NMBR: variants seen among roughly 807,000 people sequenced by gnomAD.
The protein encoded by NMBR is neuromedin-B receptor.
A neutral mutation model predicts 20.5 loss-of-function variants in NMBR; 16 were observed. The ratio of observed to expected loss-of-function variants is 0.78; its 90% CI spans 0.53 to 1.19. NMBR has a LOEUF of 1.19. Among genes scored for constraint, NMBR ranks in the 50% most tolerant of loss-of-function variants. NMBR has a pLI of 0.00. For missense variants in NMBR, 582 were observed against 499.1 expected (o/e 1.17, Z -1.58); for synonymous variants, 212 against 196.6 (o/e 1.08, Z -0.65).
At chr6:142,122,144 A>G (rs1777954373) in intron 1 of NMBR, among the ~76,000 whole-genome samples, 1 of 151,888 alleles carries the variant, frequency 6.6e-6, no homozygotes, top group Non-Finnish European at 1.5e-5. Context: ...CTTTCCTTTC[A>G]CCGCATTTTG....
chr6:142,116,580 C>T (rs995751433), intron 1 of NMBR, among the ~76,000 whole-genome samples: 3 of 152,008 alleles, frequency 2.0e-5, no homozygotes, highest in African/African-American at 4.8e-5. Context: ...TCTGTGATAT[C>T]ATTTGATTCC....
chr6:142,139,393 T>C (rs1401112542), intron 1 of NMBR, among the ~76,000 whole-genome samples: 1 of 152,226 alleles, frequency 6.6e-6, no homozygotes, highest in African/African-American at 2.4e-5. Flanking sequence ...TGTGTGAATC[T>C]TGAGTATTGT....
intron 1 of NMBR, among the ~76,000 whole-genome samples, chr6:142,106,712 G>T (rs1283903866): frequency 6.6e-6 from 1 of 152,140 alleles, no homozygotes; most frequent in Non-Finnish European, 1.5e-5. Flanking sequence ...ACTCTTAGGT[G>T]AAACAAAAAG....
chr6:142,088,975 G>T lies in NMBR; in HGVS notation c.-317C>A, dbSNP rs3811088. On this transcript the variant is annotated 5_prime_UTR_variant, in exon 2 of 4. Coordinates refer to ENST00000258042, the MANE Select transcript of NMBR (RefSeq NM_002511.4). ...TGGTTTGTTCTCGCGGTTATCTAGC[G>T]GAAAACAGCCTTTCAGGAACAAGGA... Among the ~76,000 whole-genome samples the T allele has an allele frequency of 6.6e-5, 10 of 151,518 alleles. No homozygotes were observed. The highest frequency in any genetic ancestry group is 1.3e-4 in the Non-Finnish European group (9 of 67,876).
chr6:142,087,715 G>C (rs896480021), intron 2 of NMBR, among the ~76,000 whole-genome samples: 6 of 152,086 alleles, frequency 3.9e-5, no homozygotes, highest in Admixed American at 3.3e-4. Flanking sequence ...AATCTAATTG[G>C]TTTTACTTCT....
intron 1 of NMBR, among the ~76,000 whole-genome samples, chr6:142,090,361 G>C (rs1389557158): frequency 6.6e-6 from 1 of 151,862 alleles, no homozygotes; most frequent in Admixed American, 6.6e-5. Context: ...TATAAATTAA[G>C]CAACTTTTCC....
At chr6:142,113,090 C>A (rs1368058978) in intron 1 of NMBR, among the ~76,000 whole-genome samples, 1 of 151,750 alleles carries the variant, frequency 6.6e-6, no homozygotes, top group Admixed American at 6.6e-5. Context: ...AATGCTACAA[C>A]TAAATTTATG....
chr6:142,099,610 A>G (rs1297087869), intron 1 of NMBR, among the ~76,000 whole-genome samples: 1 of 152,186 alleles, frequency 6.6e-6, no homozygotes, highest in East Asian at 1.9e-4. Context: ...TGCTGGGGAC[A>G]CAGAGACAAA....
At chr6:142,110,694 G>A (rs554821756) in intron 1 of NMBR, among the ~76,000 whole-genome samples, 16 of 152,164 alleles carry the variant, frequency 1.1e-4, no homozygotes, top group Admixed American at 9.2e-4. Flanking sequence ...CTATTTAATT[G>A]TACACTTTAA....
chr6:142,085,028 T>C, intron 2 of NMBR, among the ~76,000 whole-genome samples: 1 of 152,150 alleles, frequency 6.6e-6, no homozygotes, highest in South Asian at 2.1e-4. Context: ...AACAAAACTG[T>C]CTATCAAGAT....
intron 1 of NMBR, among the ~76,000 whole-genome samples, chr6:142,112,607 T>C (rs919190471): frequency 6.6e-6 from 1 of 152,142 alleles, no homozygotes; most frequent in South Asian, 2.1e-4. Flanking sequence ...TCTGTGGCAA[T>C]AGGATTTGAC....
At chr6:142,145,599 G>T (rs137981488) in intron 1 of NMBR, among the ~76,000 whole-genome samples, 7 of 151,714 alleles carry the variant, frequency 4.6e-5, no homozygotes, top group Non-Finnish European at 1.0e-4. Context: ...AATGCTGCTA[G>T]CTAGTTATTA....
chr6:142,141,255 A>C (rs1478472555), intron 1 of NMBR, among the ~76,000 whole-genome samples: 2 of 152,156 alleles, frequency 1.3e-5, no homozygotes, highest in Admixed American at 1.3e-4. Context: ...GAAATTAATA[A>C]AATTAAGATA....
rs1232351507 is a variant in NMBR at position 142,074,979 on chromosome 6, C to A, written c.*669G>T. ...TTAGAATTACAGATATGAATTATTT[C>A]TATAAATTATGATTAATCACAGAAT... is the stretch of plus-strand genomic sequence containing the variant. On this transcript the variant is annotated 3_prime_UTR_variant, in exon 4 of 4. Coordinates refer to ENST00000258042, the MANE Select transcript of NMBR (RefSeq NM_002511.4). Among the ~76,000 whole-genome samples the A allele has an allele frequency of 6.6e-6, 1 of 151,792 alleles. No homozygotes were observed. Among genetic ancestry groups the A allele is most frequent in the African/African-American group, 2.4e-5 (1 of 41,312 alleles).
At position 142,075,561 on chromosome 6, in the gene NMBR, A is replaced by T; in HGVS notation, c.*87T>A. 7.8e-7 allele frequency: 1 copy of T among 1,290,034 alleles called. No individual in the cohort carries two copies. Among genetic ancestry groups the T allele is most frequent in the Non-Finnish European group, 1.1e-6 (1 of 939,898 alleles). 79.9% of individuals were successfully genotyped at this position (1,290,034 alleles called of 1,614,324 possible). On this transcript the variant is annotated 3_prime_UTR_variant, in exon 4 of 4. Coordinates refer to ENST00000258042, the MANE Select transcript of NMBR (RefSeq NM_002511.4). Reference sequence around the variant, plus strand: ...CAATCATGCAATTGCCTAATAAATTAGCTAAGCAACAGCAAGTTCTGATCT... The same window carrying T: ...CAATCATGCAATTGCCTAATAAATTTGCTAAGCAACAGCAAGTTCTGATCT...
At chr6:142,104,818 C>T (rs1181445851) in intron 1 of NMBR, among the ~76,000 whole-genome samples, 2 of 152,108 alleles carry the variant, frequency 1.3e-5, no homozygotes, top group Non-Finnish European at 2.9e-5. Context: ...GTGAAGAGAC[C>T]ACCAAACAGG....
intron 1 of NMBR, among the ~76,000 whole-genome samples, chr6:142,125,180 T>C (rs1034821165): frequency 7.2e-5 from 11 of 151,810 alleles, no homozygotes; most frequent in African/African-American, 2.7e-4. Flanking sequence ...AGTACCTAAA[T>C]TGACCTCTAT....
Position 142,086,397 on chromosome 6 carries a change from A to T in NMBR, c.422+1840T>A, listed in dbSNP as rs373428698. 4.6e-5 allele frequency among the ~76,000 whole-genome samples: 7 copies of T among 152,336 alleles called. 1 individual carries two copies. In the East Asian group the frequency reaches 9.6e-4, roughly 21 times the overall value. Reference sequence around the variant, plus strand: ...GAAATCATAGCTTTTGGTGAGATATAGTAAGAAGTCATCAAGTACTAGTCA... The same window carrying T: ...GAAATCATAGCTTTTGGTGAGATATTGTAAGAAGTCATCAAGTACTAGTCA... On this transcript the variant is annotated intron_variant, in intron 2 of 3. Transcript: ENST00000258042.
chr6:142,140,530 T>C (rs1415676691), intron 1 of NMBR, among the ~76,000 whole-genome samples: 1 of 151,776 alleles, frequency 6.6e-6, no homozygotes, highest in Non-Finnish European at 1.5e-5. Flanking sequence ...ATAGAAACAA[T>C]AACAAGGTAG....
Sources: allele counts gnomAD v4.1 joint callset (sites outside exome capture counted in the v4.1 genomes callset), GRCh38; gene constraint gnomAD v4.1.1; transcripts MANE v1.5; gene names NCBI Gene and HGNC (gene_info 2026-07-23, HGNC 2026-07-21).